The following FAM98C variants were observed in gnomAD, a reference collection of about 807,000 sequenced individuals.
The protein encoded by FAM98C is tRNA splicing ligase complex subunit 3C.
FAM98C carries 38 observed loss-of-function variants against 41.1 expected under a neutral mutation model. The observed-to-expected ratio is 0.92, with a 90% CI of 0.71 to 1.21. The LOEUF is 1.21. Ranked by LOEUF, FAM98C falls within the 50% of genes most tolerant of loss-of-function variation. The pLI, the probability that FAM98C is intolerant of heterozygous loss-of-function variation, is 0.00. For missense variants in FAM98C, 493 were observed against 484.7 expected, an observed-to-expected ratio of 1.02 and a Z score of -0.16; for synonymous variants, 195 against 216.7, an observed-to-expected ratio of 0.90 and a Z score of 0.88.
At chr19:38,403,242 G>T in intron 1 of FAM98C, 24 bp downstream of exon 1, 1 of 1,555,984 alleles carries the variant, frequency 6.4e-7, no homozygotes. Context: ...CGGTGAGGCT[G>T]GTGGGTGCAG....
chr19:38,403,119 C>T lies in FAM98C; in HGVS notation c.-35C>T, dbSNP rs527285418. 8.0e-6 allele frequency: 12 copies of T among 1,499,146 alleles called. No individual in the cohort carries two copies. Among genetic ancestry groups the T allele is most frequent in the African/African-American group, 7.4e-5 (5 of 67,768 alleles). The allele number at this position is 1,499,146 out of a possible 1,614,324, so 92.9% of individuals were successfully genotyped here. A position where few individuals can be genotyped will look rare whatever the true frequency, so the allele number is the denominator to read the frequency against. On this transcript the variant is annotated 5_prime_UTR_variant, in exon 1 of 8. Transcript: ENST00000252530. ...GGCGCTTTTGGGGCGGAGCCTGCCACCGGCCGCCAGGGGGCGCGCCGAGAC... is the reference window on the plus strand; with the variant it reads ...GGCGCTTTTGGGGCGGAGCCTGCCATCGGCCGCCAGGGGGCGCGCCGAGAC...
In FAM98C at chr19:38,407,012, CT is replaced by C. The variant is rs765741519; in HGVS notation, c.854del (p.Leu285ArgfsTer81). On this transcript the variant is annotated frameshift_variant, in exon 7 of 8. Coordinates refer to ENST00000252530, the MANE Select transcript of FAM98C (RefSeq NM_174905.4). LOFTEE classifies it high-confidence loss of function. ...IAHVLAARAD[L>X]SCLVPATSVA... ...ACACGTTCTGGCTGCCCGAGCCGACCTGTCTTGTCTCGTCCCAGCCACCAGC... is the reference window on the plus strand; with the variant it reads ...ACACGTTCTGGCTGCCCGAGCCGACCGTCTTGTCTCGTCCCAGCCACCAGC... 6.2e-7 allele frequency: 1 copy of C among 1,614,206 alleles called. No homozygotes were observed. Among genetic ancestry groups the C allele is most frequent in the East Asian group, 2.2e-5 (1 of 44,880 alleles).
At position 38,403,900 on chromosome 19, in the gene FAM98C, TTTA is replaced by T. The variant is rs1427758309; in HGVS notation, c.349+218_349+220del. Among the ~76,000 whole-genome samples, 33 of 152,186 alleles carry T rather than the reference TTTA, an allele frequency of 2.2e-4. No homozygotes were observed. In the East Asian group the frequency reaches 5.4e-3, roughly 25 times the overall value. ...GAATTTCGTTTTATTTTTTATTTAT[TTTA>T]TTATTATTATTTTTGAGATGGAGTT... On this transcript the variant is annotated intron_variant, in intron 3 of 7. Transcript: ENST00000252530.
In FAM98C at chr19:38,403,163, G is replaced by A; in HGVS notation, c.10G>A (p.Val4Met). The A allele has an allele frequency of 6.5e-7, 1 of 1,532,414 alleles. No individual in the cohort carries two copies. The highest frequency in any genetic ancestry group is 2.4e-5 in the Admixed American group (1 of 42,482). 94.9% of individuals were successfully genotyped at this position (1,532,414 alleles called of 1,614,324 possible). Residue 4 changes from valine to methionine, a missense_variant, in exon 1 of 8, where the codon GTG (valine) becomes ATG (methionine). Transcript: ENST00000252530. ...CCGAGACCACACTTTCATGGAGGCGGTGAAGGCGGAAGCGTGGGAGGGGGC... is the reference window on the plus strand; with the variant it reads ...CCGAGACCACACTTTCATGGAGGCGATGAAGGCGGAAGCGTGGGAGGGGGC... MEA[V>M]KAEAWEGAAV...
chr19:38,407,245 A>G, intron 7 of FAM98C, 168 bp downstream of exon 7: 2 of 695,178 alleles, frequency 2.9e-6, no homozygotes, highest in Non-Finnish European at 4.7e-6. Flanking sequence ...TCCCCAGCTC[A>G]GAATGCTTCC....
At chr19:38,405,858 C>CGTT (rs768707631) in intron 6 of FAM98C, 8,776 of 481,542 alleles carry the variant, frequency 0.018, 105 homozygotes, top group African/African-American at 0.038. Flanking sequence ...CATACCCCAT[C>CGTT]ATTTTTTTTT....
In FAM98C at chr19:38,405,075, A is replaced by AC; in HGVS notation, c.522dup (p.Ala175ArgfsTer11). On this transcript the variant is annotated frameshift_variant, in exon 4 of 8. Coordinates refer to ENST00000252530, the MANE Select transcript of FAM98C (RefSeq NM_174905.4). LOFTEE classifies it high-confidence loss of function. ...GGGGCTGCCCAGACCTGCACCAGGGACCCCCGCCAGCCAGCTGCTGCAGGA... is the reference window on the plus strand; with the variant it reads ...GGGGCTGCCCAGACCTGCACCAGGGACCCCCCGCCAGCCAGCTGCTGCAGGA... 1 of 1,610,902 alleles carries AC rather than the reference A, an allele frequency of 6.2e-7. No individual in the cohort carries two copies. Among genetic ancestry groups the AC allele is most frequent in the Non-Finnish European group, 8.5e-7 (1 of 1,177,872 alleles).
chr19:38,405,216 G>GT (rs2145175149), intron 4 of FAM98C, 103 bp downstream of exon 4: 1 of 1,505,354 alleles, frequency 6.6e-7, no homozygotes, highest in Non-Finnish European at 9.0e-7. Context: ...CCACTGGCCT[G>GT]TTTTTTCTGG....
rs1970988803 is a variant in FAM98C, at chr19:38,403,202, G to A, written c.49G>A (p.Asp17Asn). The change falls in exon 1 of 8, where the codon GAC (aspartate) becomes AAC (asparagine). Residue 17 changes from aspartate (D) to asparagine (N), a missense_variant. Coordinates refer to ENST00000252530, the MANE Select transcript of FAM98C (RefSeq NM_174905.4). ...GTGGGAGGGGGCCGCGGTGGCCCAG[G>A]ACCTGCTGGCTCTGGGGTAAAAGGG... is the stretch of plus-strand genomic sequence containing the variant. ...EAWEGAAVAQDLLALGYGGVP... is the reference protein window; with the variant it reads ...EAWEGAAVAQNLLALGYGGVP... The A allele has an allele frequency of 1.9e-6, 3 of 1,558,906 alleles. No homozygotes were observed. Among genetic ancestry groups the A allele is most frequent in the Non-Finnish European group, 2.6e-6 (3 of 1,159,912 alleles).
In FAM98C at chr19:38,403,909, A is replaced by G. The variant is rs187903012; in HGVS notation, c.349+215A>G. Among the ~76,000 whole-genome samples, 44 of 152,062 alleles carry G rather than the reference A, an allele frequency of 2.9e-4. No individual in the cohort carries two copies. In the East Asian group the frequency reaches 8.3e-3, roughly 29 times the overall value. On this transcript the variant is annotated intron_variant, in intron 3 of 7. Transcript: ENST00000252530. ...TTTATTTTTTATTTATTTTATTATTATTATTTTTGAGATGGAGTTTCACTC... is the reference window on the plus strand; with the variant it reads ...TTTATTTTTTATTTATTTTATTATTGTTATTTTTGAGATGGAGTTTCACTC...
At chr19:38,408,702 T>C in intron 7 of FAM98C, 49 bp from the exon 8 acceptor site, 1 of 1,613,868 alleles carries the variant, frequency 6.2e-7, no homozygotes, top group Non-Finnish European at 8.5e-7. Flanking sequence ...CTGGCCCCCT[T>C]GTCCAAGATA....
In FAM98C at chr19:38,406,964, C is replaced by G. The variant is rs1971048223; in HGVS notation, c.805C>G (p.Pro269Ala). 3.7e-6 allele frequency: 6 copies of G among 1,614,028 alleles called. 1 individual carries two copies. The South Asian group carries it at 6.6e-5, about 18-fold the overall frequency. The change falls in exon 7 of 8, where the codon CCA becomes GCA. Residue 269 changes from proline (P) to alanine (A), a missense_variant. Transcript: ENST00000252530. ...VLIPIREVLT[P>A]ESDISIAHVL... ...GATCCCAATTCGAGAGGTTCTGACC[C>G]CAGAATCGGACATCTCCATTGCACA...
At position 38,403,482 on chromosome 19, in the gene FAM98C, C is replaced by T; in HGVS notation, c.210C>T (p.Gly70=). The change falls in exon 2 of 8, where the codon GGC becomes GGT. Residue 70 remains glycine (G), a synonymous_variant. Coordinates refer to ENST00000252530, the MANE Select transcript of FAM98C (RefSeq NM_174905.4). ...REAGAEVLSA[G]DGPGAEEDFL... The stretch of plus-strand genomic sequence containing the variant: ...CGGGCGCGGAGGTGCTGAGCGCCGG[C>T]GACGGTAAACACGGAGCGGGAGGGT... The T allele has an allele frequency of 7.1e-7, 1 of 1,405,942 alleles. No homozygotes were observed. The highest frequency in any genetic ancestry group is 9.2e-7 in the Non-Finnish European group (1 of 1,090,802). The allele number at this position is 1,405,942 out of a possible 1,614,324, so 87.1% of individuals were successfully genotyped here. A position where few individuals can be genotyped will look rare whatever the true frequency, so the allele number is the denominator to read the frequency against.
chr19:38,407,009 G>A lies in FAM98C; in HGVS notation c.850G>A (p.Asp284Asn), dbSNP rs760274852. ...TGCACACGTTCTGGCTGCCCGAGCC[G>A]ACCTGTCTTGTCTCGTCCCAGCCAC... ...SIAHVLAARA[D>N]LSCLVPATSV... The change falls in exon 7 of 8, where the codon GAC (aspartate) becomes AAC (asparagine). Residue 284 changes from aspartate (D) to asparagine (N), a missense_variant. Physicochemically the swap from Asp to Asn is conservative, Grantham distance 23 (BLOSUM62 1). Transcript: ENST00000252530. 6 of 1,614,008 alleles carry A rather than the reference G, an allele frequency of 3.7e-6. No homozygotes were observed. Among genetic ancestry groups the A allele is most frequent in the Non-Finnish European group, 5.1e-6 (6 of 1,180,040 alleles).
intron 6 of FAM98C, 191 bp from the exon 7 acceptor site, chr19:38,406,719 A>T: frequency 1.7e-6 from 1 of 578,166 alleles, no homozygotes; most frequent in South Asian, 2.3e-5. Flanking sequence ...CAGGAGATTG[A>T]GGCTGCAGTG....
Position 38,407,016 on chromosome 19 carries a change from C to T in FAM98C, c.857C>T (p.Ser286Phe), listed in dbSNP as rs765846466. 3 of 1,614,198 alleles carry T rather than the reference C, an allele frequency of 1.9e-6. No homozygotes were observed. The highest frequency in any genetic ancestry group is 2.5e-6 in the Non-Finnish European group (3 of 1,180,036). The change falls in exon 7 of 8, where the codon TCT becomes TTT. Residue 286 changes from serine (S) to phenylalanine (F), a missense_variant. Ser to Phe is a radical substitution (Grantham distance 155). Coordinates refer to ENST00000252530, the MANE Select transcript of FAM98C (RefSeq NM_174905.4). ...AHVLAARADL[S>F]CLVPATSVAV... Reference sequence around the variant, plus strand: ...GTTCTGGCTGCCCGAGCCGACCTGTCTTGTCTCGTCCCAGCCACCAGCGTG... The same window carrying T: ...GTTCTGGCTGCCCGAGCCGACCTGTTTTGTCTCGTCCCAGCCACCAGCGTG...
At position 38,403,192 on chromosome 19, in the gene FAM98C, G is replaced by A. The variant is rs201469183; in HGVS notation, c.39G>A (p.Ala13=). The change falls in exon 1 of 8, where the codon GCG becomes GCA. Residue 13 remains alanine, a synonymous_variant. Transcript: ENST00000252530. Reference sequence around the variant, plus strand: ...AGGCGGAAGCGTGGGAGGGGGCCGCGGTGGCCCAGGACCTGCTGGCTCTGG... The same window carrying A: ...AGGCGGAAGCGTGGGAGGGGGCCGCAGTGGCCCAGGACCTGCTGGCTCTGG... The part of the protein sequence containing the change: ...AVKAEAWEGA[A]VAQDLLALGY... 2.3e-5 allele frequency: 35 copies of A among 1,540,452 alleles called. No individual in the cohort carries two copies. The highest frequency in any genetic ancestry group is 1.7e-4 in the Middle Eastern group (1 of 5,916).
In FAM98C at chr19:38,405,506, C is replaced by G. The variant is rs370418898; in HGVS notation, c.634-13C>G. ...AGGGACCCCTAGCCTGACCTTGAGACCTTTTCTCCCAGGAAGCGTTGGAGT... is the reference window on the plus strand; with the variant it reads ...AGGGACCCCTAGCCTGACCTTGAGAGCTTTTCTCCCAGGAAGCGTTGGAGT... On this transcript the variant is annotated splice_polypyrimidine_tract_variant and intron_variant, in intron 5 of 7. Transcript: ENST00000252530. 5.0e-6 allele frequency: 8 copies of G among 1,614,184 alleles called. No homozygotes were observed. The highest frequency in any genetic ancestry group is 6.8e-6 in the Non-Finnish European group (8 of 1,180,018).
intron 6 of FAM98C, chr19:38,405,857 TC>T: frequency 2.0e-6 from 1 of 508,558 alleles, no homozygotes; most frequent in Non-Finnish European, 3.5e-6. Context: ...GCATACCCCA[TC>T]ATTTTTTTTT....
Sources: gnomAD v4.1 joint callset for allele counts (sites outside exome capture counted in the v4.1 genomes callset) on GRCh38, gnomAD v4.1.1 for gene constraint, MANE v1.5 for transcripts, NCBI Gene and HGNC (gene_info 2026-07-23, HGNC 2026-07-21) for gene names.